The following FASN variants were observed in gnomAD, a reference collection of about 807,000 sequenced individuals.
The protein encoded by FASN is fatty acid synthase.
In FASN, 50 loss-of-function variants were observed where a neutral mutation model predicts 250.0. The observed-to-expected ratio is 0.20, with a 90% confidence interval of 0.16 to 0.25. FASN has a LOEUF of 0.25. Among genes scored for constraint, FASN ranks in the 10% least tolerant of loss-of-function variants. FASN has a pLI of 1.00. For missense variants in FASN, 3,031 were observed against 3,498.5 expected, an observed-to-expected ratio of 0.87 and a Z score of 3.37; for synonymous variants, 1,909 against 1,584.0, an observed-to-expected ratio of 1.21 and a Z score of -4.87.
intron 19 of FASN, 58 bp downstream of exon 19, chr17:82,087,627 C>A: frequency 1.2e-6 from 2 of 1,603,056 alleles, no homozygotes; most frequent in South Asian, 2.2e-5. Context: ...CCTCTGTGGT[C>A]CCCACAATGA....
rs1568108097 is a variant in FASN at position 82,084,140 on chromosome 17, C to A, written c.4933G>T (p.Ala1645Ser). The A allele has an allele frequency of 2.5e-6, 4 of 1,594,426 alleles. No homozygotes were observed. The highest frequency in any genetic ancestry group is 3.4e-6 in the Non-Finnish European group (4 of 1,171,740). The change falls in exon 29 of 43, where the codon GCG (alanine) becomes TCG (serine). Residue 1645 changes from alanine to serine, a missense_variant. Transcript: ENST00000306749. Reference protein sequence around the residue: ...DVPSNWTLEEAASVPVVYSTA... With the variant: ...DVPSNWTLEESASVPVVYSTA... ...CTGTAGACGACAGGCACCGAGGCCG[C>A]CTCCTCCAGCGTCCTGGGGATGCAG...
intron 38 of FASN, 45 bp downstream of exon 38, chr17:82,081,118 TG>T: frequency 6.5e-7 from 1 of 1,540,690 alleles, no homozygotes. Context: ...GAGGAAGGGC[TG>T]GGGAGGCCCG....
chr17:82,092,413 G>C, intron 8 of FASN, 42 bp downstream of exon 8: 1 of 1,547,548 alleles, frequency 6.5e-7, no homozygotes, highest in East Asian at 2.4e-5. Context: ...CCAGTCCCAG[G>C]GAGCAGGAGC....
intron 21 of FASN, among the ~76,000 whole-genome samples, chr17:82,086,812 C>T (rs1167254582): frequency 6.6e-6 from 1 of 151,358 alleles, no homozygotes; most frequent in Non-Finnish European, 1.5e-5. Context: ...TAGGCTGAAT[C>T]TGTCATCTTT....
Position 82,087,963 on chromosome 17 carries a change from C to G in FASN, c.2857G>C (p.Val953Leu). 6.2e-7 allele frequency: 1 copy of G among 1,612,732 alleles called. No homozygotes were observed. Among genetic ancestry groups the G allele is most frequent in the Non-Finnish European group, 8.5e-7 (1 of 1,179,966 alleles). Residue 953 changes from valine to leucine, a missense_variant, in exon 18 of 43, where the codon GTA becomes CTA. By Grantham distance (32) the Val-to-Leu change is conservative. Coordinates refer to ENST00000306749, the MANE Select transcript of FASN (RefSeq NM_004104.5). Reference sequence around the variant, plus strand: ...CACCGGCCCTGCTTACCACTCACTACCAGGTTGCCGTTCTCTGACACCTCG... The same window carrying G: ...CACCGGCCCTGCTTACCACTCACTAGCAGGTTGCCGTTCTCTGACACCTCG... ...AFEVSENGNL[V>L]VSGKVYQWDD...
At chr17:82,095,810 A>G (rs1051704630) in intron 2 of FASN, among the ~76,000 whole-genome samples, 3 of 152,222 alleles carry the variant, frequency 2.0e-5, no homozygotes, top group Non-Finnish European at 4.4e-5. Flanking sequence ...CCTGTCAGGT[A>G]GAGCTGCTCT....
In FASN at chr17:82,082,635, T is replaced by C; in HGVS notation, c.5811A>G (p.Val1937=). 1.2e-6 allele frequency: 2 copies of C among 1,610,796 alleles called. No individual in the cohort carries two copies. ...KQVRRWRRQG[V]QVQVSTSNIS... is the part of the protein sequence containing the mutation. ...TGTTGCTGGTGGACACCTGCACCTG[T>C]ACGCCCTGGCGCCTCCACCGGCGGA... Residue 1937 remains valine (V), a synonymous_variant, in exon 34 of 43, where the codon GTA becomes GTG. Transcript: ENST00000306749.
At chr17:82,092,848 C>A in intron 6 of FASN, 36 bp from the exon 7 acceptor site, 1 of 1,584,734 alleles carries the variant, frequency 6.3e-7, no homozygotes, top group Non-Finnish European at 8.6e-7. Context: ...CAGCCCCAGC[C>A]CCGGCTCCCA....
chr17:82,093,805 G>A lies in FASN; in HGVS notation c.281-34C>T, dbSNP rs114450136. The A allele has an allele frequency of 7.5e-5, 121 of 1,608,762 alleles. 1 individual carries two copies. The African/African-American group carries it at 1.5e-3, about 20-fold the overall frequency. ...AACAGTGGTCAAGGTGCCACGGCCG[G>A]GCCCCACAGCGCAGCCAGCCCACCC... On this transcript the variant is annotated intron_variant, in intron 3 of 42. Coordinates refer to ENST00000306749, the MANE Select transcript of FASN (RefSeq NM_004104.5).
chr17:82,095,919 C>T (rs1303614507), intron 2 of FASN, among the ~76,000 whole-genome samples: 1 of 152,228 alleles, frequency 6.6e-6, no homozygotes, highest in Non-Finnish European at 1.5e-5. Flanking sequence ...CAGGGGCAGC[C>T]TGGCCGGAAG....
At chr17:82,090,058 G>A (rs530221851) in intron 11 of FASN, among the ~76,000 whole-genome samples, 2 of 152,344 alleles carry the variant, frequency 1.3e-5, no homozygotes, top group South Asian at 2.1e-4. Flanking sequence ...CCAGTCTGAG[G>A]GAACCCTGAT....
rs1372030280 is a variant in FASN at position 82,091,253 on chromosome 17, A to T, written c.1461T>A (p.Ala487=). 2.5e-6 allele frequency: 4 copies of T among 1,602,016 alleles called. No homozygotes were observed. In the South Asian group the frequency reaches 4.4e-5, roughly 18 times the overall value. The change falls in exon 9 of 43, where the codon GCT becomes GCA. Residue 487 remains alanine, a synonymous_variant. Transcript: ENST00000306749. ...AGATGAACCAGAGCGGGCGCTCGCC[A>T]GCGGGCACCTGCTGCACCTCTGGGC... ...RGGPEVQQVP[A]GERPLWFICS...
intron 8 of FASN, 91 bp from the exon 9 acceptor site, chr17:82,091,775 G>A (rs2034214601): frequency 1.6e-6 from 2 of 1,222,966 alleles, no homozygotes; most frequent in Non-Finnish European, 1.1e-6. Flanking sequence ...CTCTCATGTG[G>A]GGCCAGGGTT....
Position 82,098,165 on chromosome 17 carries a change from T to G in FASN, c.-52A>C. ...CGGTGCGGGCGGCGGAGAGCGAGGC[T>G]GGAGCGCGGCGGAGCGGGAGGCTGA... On this transcript the variant is annotated 5_prime_UTR_variant, in exon 1 of 43. Transcript: ENST00000306749. 1 of 357,266 alleles carries G rather than the reference T, an allele frequency of 2.8e-6. No homozygotes were observed. Among genetic ancestry groups the G allele is most frequent in the East Asian group, 4.1e-5 (1 of 24,366 alleles). The allele number at this position is 357,266 out of a possible 1,614,324, so 22.1% of individuals were successfully genotyped here. A position where few individuals can be genotyped will look rare whatever the true frequency, so the allele number is the denominator to read the frequency against.
At position 82,084,353 on chromosome 17, in the gene FASN, A is replaced by G. The variant is rs754210254; in HGVS notation, c.4800T>C (p.Gly1600=). The part of the protein sequence containing the change: ...GKWTSQDSLL[G]MEFSGRDASG... ...TGGCGTCTCGGCCCGAGAACTCCATACCTAGCAGGCTGTCCTGGGAGGTCC... is the reference window on the plus strand; with the variant it reads ...TGGCGTCTCGGCCCGAGAACTCCATGCCTAGCAGGCTGTCCTGGGAGGTCC... The change falls in exon 28 of 43, where the codon GGT becomes GGC. Residue 1600 remains glycine, a synonymous_variant. Transcript: ENST00000306749. 5 of 1,608,238 alleles carry G rather than the reference A, an allele frequency of 3.1e-6. No homozygotes were observed. The African/African-American group carries it at 6.7e-5, about 21-fold the overall frequency.
At chr17:82,093,080 GA>G in intron 5 of FASN, 61 bp from the exon 6 acceptor site, 4 of 1,602,474 alleles carry the variant, frequency 2.5e-6, no homozygotes, top group Non-Finnish European at 3.4e-6. Flanking sequence ...ACCCCACCAG[GA>G]GGAGCTCTGG....
intron 2 of FASN, among the ~76,000 whole-genome samples, chr17:82,096,079 C>T (rs1302755972): frequency 6.6e-6 from 1 of 152,264 alleles, no homozygotes; most frequent in African/African-American, 2.4e-5. Flanking sequence ...GTTGGCCTTG[C>T]AGCCGTTGAG....
At chr17:82,086,667 C>G in intron 21 of FASN, 109 bp from the exon 22 acceptor site, 2 of 842,942 alleles carry the variant, frequency 2.4e-6, no homozygotes, top group Non-Finnish European at 3.9e-6. Context: ...CCGCTCTGCC[C>G]ACAGGATGAG....
Position 82,081,368 on chromosome 17 carries a change from C to T in FASN, c.6407-16G>A, listed in dbSNP as rs2033984131. On this transcript the variant is annotated splice_polypyrimidine_tract_variant and intron_variant, in intron 37 of 42. Transcript: ENST00000306749. ...TCGCGGATGCCTGGAAGGGATGCGC[C>T]GGGTCGGCAACTCCAGAGGGGGCAT... 13 of 1,558,242 alleles carry T rather than the reference C, an allele frequency of 8.3e-6. No individual in the cohort carries two copies. The highest frequency in any genetic ancestry group is 2.7e-5 in the African/African-American group (2 of 73,714).
Sources: gnomAD v4.1 joint callset for allele counts (sites outside exome capture counted in the v4.1 genomes callset) on GRCh38, gnomAD v4.1.1 for gene constraint, MANE v1.5 for transcripts, NCBI Gene and HGNC (gene_info 2026-07-23, HGNC 2026-07-21) for gene names.